TRIM67: variants seen among roughly 807,000 people sequenced by gnomAD.
The protein encoded by TRIM67 is tripartite motif-containing protein 67.
TRIM67 carries 39 observed loss-of-function variants against 71.0 expected under a neutral mutation model. The observed-to-expected ratio is 0.55, with a 90% CI of 0.43 to 0.72. TRIM67 has a LOEUF of 0.72. Ranked by LOEUF, TRIM67 falls within the 30% of genes least tolerant of loss-of-function variation. TRIM67 has a pLI of 0.00. For missense variants in TRIM67, 973 were observed against 1,079.2 expected (o/e 0.90, Z 1.38); for synonymous variants, 481 against 473.9 (o/e 1.01, Z -0.19).
chr1:231,180,090 T>C (rs1293544559), intron 1 of TRIM67, among the ~76,000 whole-genome samples: 2 of 152,232 alleles, frequency 1.3e-5, no homozygotes, highest in African/African-American at 4.8e-5. Flanking sequence ...ATTGCCCTAA[T>C]GCTTAAATGT....
intron 1 of TRIM67, among the ~76,000 whole-genome samples, chr1:231,169,993 C>CTCTTTTTTTTTTTTTTTTTTTTTTTTT (rs1558289994): frequency 7.3e-6 from 1 of 136,134 alleles, no homozygotes; most frequent in African/African-American, 3.2e-5. Flanking sequence ...TTCTTTCTCT[C>CTCTTTTTTTTTTTTTTTTTTTTTTTTT]TTTTTTTTTT....
intron 1 of TRIM67, among the ~76,000 whole-genome samples, chr1:231,173,509 T>C (rs1281098424): frequency 1.3e-5 from 2 of 152,210 alleles, no homozygotes; most frequent in Non-Finnish European, 2.9e-5. Flanking sequence ...TGCAGGATTC[T>C]GAAGGCAGCA....
At chr1:231,164,138 C>A in intron 1 of TRIM67, 125 bp downstream of exon 1, 1 of 1,184,448 alleles carries the variant, frequency 8.4e-7, no homozygotes, top group Non-Finnish European at 1.1e-6. Flanking sequence ...TTACCTCACT[C>A]ATTAGCCATT....
intron 8 of TRIM67, among the ~76,000 whole-genome samples, chr1:231,212,445 C>G (rs566815629): frequency 1.3e-5 from 2 of 152,088 alleles, no homozygotes; most frequent in Non-Finnish European, 2.9e-5. Flanking sequence ...AGGTGAGGAG[C>G]CTTTAGTGTC....
At position 231,197,467 on chromosome 1, in the gene TRIM67, G is replaced by T; in HGVS notation, c.1140+1G>T. On this transcript the variant is annotated splice_donor_variant, in intron 2 of 9. Transcript: ENST00000366653. LOFTEE classifies it high-confidence loss of function. ...AAAGAACATATTGCAGCAGATCCAG[G>T]TGAGCACAGCTCTGGCGTCGGGAGA... 3 of 1,613,530 alleles carry T rather than the reference G, an allele frequency of 1.9e-6. No individual in the cohort carries two copies. The highest frequency in any genetic ancestry group is 2.2e-5 in the East Asian group (1 of 44,882).
chr1:231,213,854 G>A lies in TRIM67; in HGVS notation c.2163G>A (p.Val721=), dbSNP rs1011753413. The A allele has an allele frequency of 6.2e-7, 1 of 1,612,282 alleles. No individual in the cohort carries two copies. Among genetic ancestry groups the A allele is most frequent in the African/African-American group, 1.3e-5 (1 of 75,012 alleles). The part of the protein sequence containing the change: ...GGVCKGATVG[V]LLDLNKHTLT... ...TGTGCAAGGGGGCCACCGTGGGCGT[G>A]CTGCTGGACCTGAATAAGCACACTC... is the stretch of plus-strand genomic sequence containing the variant. Residue 721 remains valine (V), a synonymous_variant, in exon 9 of 10, where the codon GTG becomes GTA. Transcript: ENST00000366653.
intron 9 of TRIM67, among the ~76,000 whole-genome samples, chr1:231,215,096 G>T (rs1270745761): frequency 6.6e-6 from 1 of 152,228 alleles, no homozygotes; most frequent in Non-Finnish European, 1.5e-5. Flanking sequence ...CCGTGCTCCT[G>T]TGATGGCGTC....
chr1:231,210,002 C>T (rs1443879548), intron 8 of TRIM67, among the ~76,000 whole-genome samples: 1 of 152,120 alleles, frequency 6.6e-6, no homozygotes, highest in Non-Finnish European at 1.5e-5. Flanking sequence ...GGCAGTGCCC[C>T]CCCAACACCC....
At position 231,186,376 on chromosome 1, in the gene TRIM67, G is replaced by A. The variant is rs529053695; in HGVS notation, c.1045-10995G>A. On this transcript the variant is annotated intron_variant, in intron 1 of 9. Coordinates refer to ENST00000366653, the MANE Select transcript of TRIM67 (RefSeq NM_001004342.5). ...TAGTCCCTCTGTATTCTTTGCTAGG[G>A]TTGCCAGAGCAAAGTACCACAAACT... Among the ~76,000 whole-genome samples the A allele has an allele frequency of 3.3e-5, 5 of 152,306 alleles. No individual in the cohort carries two copies. The South Asian group carries it at 6.2e-4, about 19-fold the overall frequency.
chr1:231,208,009 CTTT>C (rs796809572), intron 7 of TRIM67, among the ~76,000 whole-genome samples: 13 of 132,076 alleles, frequency 9.8e-5, no homozygotes, highest in African/African-American at 2.3e-4. Flanking sequence ...TCCTCCTGTA[CTTT>C]TTTTTTTTTT....
rs746871548 is a variant in TRIM67 at position 231,209,070 on chromosome 1, A to G, written c.1943A>G (p.Lys648Arg). Residue 648 changes from lysine to arginine, a missense_variant, in exon 8 of 10, where the codon AAG (lysine) becomes AGG (arginine). Physicochemically the swap from Lys to Arg is conservative, Grantham distance 26. Transcript: ENST00000366653. The surrounding 1 kb of genome is among the most constrained non-coding windows in gnomAD (Gnocchi z 4.1). ...GTGCTGGGCACAGCTGCGTTCTCCA[A>G]GGGCGTGCACTACTGGGAGCTGCAC... ...RVVLGTAAFS[K>R]GVHYWELHVD... The G allele has an allele frequency of 1.9e-6, 3 of 1,613,758 alleles. No homozygotes were observed. The African/African-American group carries it at 4.0e-5, about 22-fold the overall frequency.
chr1:231,201,572 G>A, intron 5 of TRIM67, 55 bp downstream of exon 5: 1 of 1,578,556 alleles, frequency 6.3e-7, no homozygotes, highest in Non-Finnish European at 8.6e-7. Context: ...GAGGCATGCA[G>A]TCTGAGGGGC....
rs949596645 is a variant in TRIM67, at chr1:231,162,322, G to C, written c.-648G>C. 5.9e-5 allele frequency: 9 copies of C among 152,128 alleles called. No homozygotes were observed. Among genetic ancestry groups the C allele is most frequent in the African/African-American group, 2.2e-4 (9 of 41,440 alleles). 9.4% of individuals were successfully genotyped at this position (152,128 alleles called of 1,614,324 possible). ...GAGCGGCTGTCTCCGGGCCGGTCGGGTCCCGCCGAGGTGGCCGCGGCCCCA... is the reference window on the plus strand; with the variant it reads ...GAGCGGCTGTCTCCGGGCCGGTCGGCTCCCGCCGAGGTGGCCGCGGCCCCA... On this transcript the variant is annotated 5_prime_UTR_variant, in exon 1 of 10. Coordinates refer to ENST00000366653, the MANE Select transcript of TRIM67 (RefSeq NM_001004342.5).
At chr1:231,205,996 C>G (rs970938297) in intron 6 of TRIM67, among the ~76,000 whole-genome samples, 1 of 152,224 alleles carries the variant, frequency 6.6e-6, no homozygotes, top group Admixed American at 6.5e-5. Context: ...GACCCCATCA[C>G]GCCTCGCCGC....
intron 4 of TRIM67, among the ~76,000 whole-genome samples, 196 bp downstream of exon 4, chr1:231,200,454 A>C (rs1402646430): frequency 6.6e-6 from 1 of 152,254 alleles, no homozygotes; most frequent in Non-Finnish European, 1.5e-5. Flanking sequence ...TGCAGCATGC[A>C]TGAAACGAGG....
intron 1 of TRIM67, among the ~76,000 whole-genome samples, chr1:231,176,453 C>T (rs9431662): frequency 0.52 from 79,041 of 151,964 alleles, 23,765 homozygotes; most frequent in African/African-American, 0.83. Flanking sequence ...GCTGGGGTCA[C>T]GGATGGTGAG....
chr1:231,165,181 G>A (rs947538203), intron 1 of TRIM67, among the ~76,000 whole-genome samples: 2 of 152,154 alleles, frequency 1.3e-5, no homozygotes, highest in African/African-American at 4.8e-5. Flanking sequence ...GGCCAGGGAA[G>A]CTGATAAACA....
intron 8 of TRIM67, among the ~76,000 whole-genome samples, chr1:231,211,441 G>A (rs1009241922): frequency 6.6e-6 from 1 of 152,272 alleles, no homozygotes; most frequent in South Asian, 2.1e-4. Context: ...GCTGACTGGG[G>A]GCCTGAGGCT....
intron 1 of TRIM67, among the ~76,000 whole-genome samples, chr1:231,177,902 G>A (rs947984934): frequency 6.6e-6 from 1 of 152,120 alleles, no homozygotes; most frequent in Non-Finnish European, 1.5e-5. Flanking sequence ...AAATGAATAG[G>A]ACTTAACACT....
Sources: allele counts gnomAD v4.1 joint callset (sites outside exome capture counted in the v4.1 genomes callset), GRCh38; gene constraint gnomAD v4.1.1; non-coding constraint Gnocchi (gnomAD v3.1); transcripts MANE v1.5; gene names NCBI Gene and HGNC (gene_info 2026-07-23, HGNC 2026-07-21).